AK8: variants seen among roughly 807,000 people sequenced by gnomAD.
AK8 encodes adenylate kinase 8.
AK8 carries 44 observed loss-of-function variants against 54.6 expected under a neutral mutation model. The ratio of observed to expected loss-of-function variants is 0.81; its 90% CI spans 0.63 to 1.04. AK8 has a LOEUF of 1.04. Ranked by LOEUF, AK8 falls within the 50% of genes least tolerant of loss-of-function variation. The pLI is 0.00. For synonymous variants in AK8, 239 were observed against 245.6 expected, an observed-to-expected ratio of 0.97 and a Z score of 0.25; for missense variants, 555 against 613.6, an observed-to-expected ratio of 0.90 and a Z score of 1.01.
At chr9:132,817,098 TGA>T (rs912801602) in intron 9 of AK8, among the ~76,000 whole-genome samples, 1 of 152,118 alleles carries the variant, frequency 6.6e-6, no homozygotes, top group African/African-American at 2.4e-5. Context: ...ACAACCAAAG[TGA>T]CAGACCCTGC....
At chr9:132,734,256 C>T (rs1836994484) in intron 11 of AK8, among the ~76,000 whole-genome samples, 3 of 152,216 alleles carry the variant, frequency 2.0e-5, no homozygotes, top group African/African-American at 7.2e-5. Context: ...GGGAGACCTG[C>T]ATTCGTAAGT....
intron 11 of AK8, among the ~76,000 whole-genome samples, chr9:132,760,238 C>T (rs183121216): frequency 6.6e-6 from 1 of 151,296 alleles, no homozygotes; most frequent in Admixed American, 6.6e-5. Context: ...GGCTGCAGTG[C>T]AGTGGAATGA....
chr9:132,777,225 A>C (rs1007366788), intron 11 of AK8, among the ~76,000 whole-genome samples: 1 of 152,188 alleles, frequency 6.6e-6, no homozygotes, highest in Non-Finnish European at 1.5e-5. Flanking sequence ...ACAGAAAGGC[A>C]CAGAGCCCTC....
Position 132,827,903 on chromosome 9 carries a change from C to T in AK8, c.556+110G>A, listed in dbSNP as rs1841939187. 36 of 1,090,458 alleles carry T rather than the reference C, an allele frequency of 3.3e-5. No homozygotes were observed. In the South Asian group the frequency reaches 5.6e-4, roughly 17 times the overall value. The allele number at this position is 1,090,458 out of a possible 1,614,324, so 67.5% of individuals were successfully genotyped here. A position where few individuals can be genotyped will look rare whatever the true frequency, so the allele number is the denominator to read the frequency against. On this transcript the variant is annotated intron_variant, in intron 7 of 12. Transcript: ENST00000298545. ...AGCCTGTGGCAGCCTTCCTCGTGTCCCTCTGTGGGTGCCCAGAGCAGAATG... is the reference window on the plus strand; with the variant it reads ...AGCCTGTGGCAGCCTTCCTCGTGTCTCTCTGTGGGTGCCCAGAGCAGAATG...
At position 132,863,562 on chromosome 9, in the gene AK8, C is replaced by G. The variant is rs1179335147; in HGVS notation, c.333+103G>C. ...ACCCCAGCATTTTCTTGTACTCAATCAAAAATGAAATGGGAACAAACCAAG... is the reference window on the plus strand; with the variant it reads ...ACCCCAGCATTTTCTTGTACTCAATGAAAAATGAAATGGGAACAAACCAAG... On this transcript the variant is annotated intron_variant, in intron 4 of 12. Transcript: ENST00000298545. 3.9e-6 allele frequency: 3 copies of G among 770,682 alleles called. No homozygotes were observed. In the African/African-American group the frequency reaches 5.2e-5, roughly 13 times the overall value. 47.7% of individuals were successfully genotyped at this position (770,682 alleles called of 1,614,324 possible).
At chr9:132,835,002 T>C (rs1295864605) in intron 5 of AK8, among the ~76,000 whole-genome samples, 2 of 152,046 alleles carry the variant, frequency 1.3e-5, no homozygotes, top group African/African-American at 2.4e-5. Context: ...CCCAAGTAGC[T>C]GGGACTACAG....
chr9:132,843,044 C>T lies in AK8; in HGVS notation c.402+11813G>A, dbSNP rs896112537. ...CCACATTCAGCTGGTCCTGCCCCCA[C>T]TCAAGGGGAGGGGATTACATAGGCA... On this transcript the variant is annotated intron_variant, in intron 5 of 12. Transcript: ENST00000298545. 3.9e-5 allele frequency among the ~76,000 whole-genome samples: 6 copies of T among 152,210 alleles called. No homozygotes were observed. The East Asian group carries it at 1.2e-3, about 29-fold the overall frequency.
intron 11 of AK8, among the ~76,000 whole-genome samples, chr9:132,785,104 C>CTT (rs550073031): frequency 8.3e-5 from 11 of 133,254 alleles, no homozygotes; most frequent in East Asian, 2.2e-4. Flanking sequence ...GTGGGATACT[C>CTT]TTTTTTTTTT....
rs886458948 is a variant in AK8, at chr9:132,860,929, G to T, written c.333+2736C>A. ...TAGATCTGGACTAAAACACCCATGG[G>T]GAAGGTCAAATGCTGTCTGGGTTTG... is the stretch of plus-strand genomic sequence containing the variant. On this transcript the variant is annotated intron_variant, in intron 4 of 12. Transcript: ENST00000298545. This position sits in a 1 kb window ranked among gnomAD's most constrained non-coding sequence, Gnocchi z 4.4. Among the ~76,000 whole-genome samples the T allele has an allele frequency of 6.6e-6, 1 of 152,186 alleles. No homozygotes were observed. Among genetic ancestry groups the T allele is most frequent in the African/African-American group, 2.4e-5 (1 of 41,436 alleles).
chr9:132,824,911 C>T (rs1414985869), intron 8 of AK8, among the ~76,000 whole-genome samples: 1 of 152,102 alleles, frequency 6.6e-6, no homozygotes, highest in Non-Finnish European at 1.5e-5. Context: ...CCCAACAATC[C>T]CATGAGGGTT....
intron 10 of AK8, among the ~76,000 whole-genome samples, chr9:132,805,824 C>T (rs1255967603): frequency 2.0e-5 from 3 of 152,014 alleles, no homozygotes; most frequent in African/African-American, 7.3e-5. Context: ...TACCTAGTTT[C>T]CATGAGGAAA....
intron 6 of AK8, 152 bp from the exon 7 acceptor site, chr9:132,828,236 A>G (rs532840774): frequency 2.4e-5 from 17 of 703,768 alleles, no homozygotes; most frequent in Non-Finnish European, 3.8e-5. Flanking sequence ...TGAATTCCTA[A>G]GAGAAAGGTC....
intron 11 of AK8, among the ~76,000 whole-genome samples, chr9:132,739,618 G>T (rs538461292): frequency 6.6e-6 from 1 of 152,072 alleles, no homozygotes; most frequent in Non-Finnish European, 1.5e-5. Flanking sequence ...TTCAAGCCAG[G>T]CACAGTGGCT....
chr9:132,745,947 A>G (rs539451288), intron 11 of AK8, among the ~76,000 whole-genome samples: 2 of 152,296 alleles, frequency 1.3e-5, no homozygotes, highest in Admixed American at 6.5e-5. Flanking sequence ...AAGGAGTAAA[A>G]TGATCCTGGT....
intron 5 of AK8, among the ~76,000 whole-genome samples, chr9:132,834,772 C>T (rs961684606): frequency 6.6e-6 from 1 of 151,942 alleles, no homozygotes; most frequent in Non-Finnish European, 1.5e-5. Context: ...CGTGCAGATG[C>T]GGGGATATCA....
chr9:132,859,753 A>G (rs928781794), intron 4 of AK8, among the ~76,000 whole-genome samples: 1 of 152,066 alleles, frequency 6.6e-6, no homozygotes, highest in Middle Eastern at 3.2e-3. Flanking sequence ...GAGAAAGCAG[A>G]TGAAGGAAAA....
chr9:132,875,351 TG>T, intron 1 of AK8, 152 bp from the exon 2 acceptor site: 1 of 1,470,660 alleles, frequency 6.8e-7, no homozygotes, highest in Admixed American at 2.2e-5. Context: ...GGCATCTGCT[TG>T]GGTCCCCATG....
intron 2 of AK8, among the ~76,000 whole-genome samples, chr9:132,870,184 G>A (rs1355059022): frequency 1.3e-5 from 2 of 152,200 alleles, no homozygotes; most frequent in African/African-American, 4.8e-5. Flanking sequence ...AATGGTACAT[G>A]TCTATGAATA....
intron 11 of AK8, among the ~76,000 whole-genome samples, chr9:132,761,366 A>T (rs1407086333): frequency 6.6e-6 from 1 of 150,644 alleles, no homozygotes; most frequent in Non-Finnish European, 1.5e-5. Context: ...GGGTTCAAGC[A>T]ATTCTCATGC....
Sources: allele counts gnomAD v4.1 joint callset (sites outside exome capture counted in the v4.1 genomes callset), GRCh38; gene constraint gnomAD v4.1.1; non-coding constraint Gnocchi (gnomAD v3.1); transcripts MANE v1.5; gene names NCBI Gene and HGNC (gene_info 2026-07-23, HGNC 2026-07-21).